Variants in FGFR2 observed in about 807,000 individuals in gnomAD.
The protein encoded by FGFR2 is fibroblast growth factor receptor 2, also known as BEK fibroblast growth factor receptor.
Under a neutral mutation model 95.9 loss-of-function variants are expected in FGFR2, and 19 were observed. The observed-to-expected ratio is 0.20, with a 90% CI of 0.14 to 0.29. FGFR2 has a LOEUF of 0.29. Among genes scored for constraint, FGFR2 ranks in the 10% least tolerant of loss-of-function variants. FGFR2 has a pLI of 1.00. For synonymous variants in FGFR2, 392 were observed against 393.3 expected (o/e 1.00, Z 0.04); for missense variants, 707 against 1,056.9 (o/e 0.67, Z 4.59).
chr10:121,518,349 T>G lies in FGFR2; in HGVS notation c.940-886A>C, dbSNP rs190748587. The stretch of plus-strand genomic sequence containing the variant: ...TCAAATGCCCCGTATTAAACAGGCA[T>G]GGAAGCGTGTGTTTTAAATGGTGTT... On this transcript the variant is annotated intron_variant, in intron 7 of 17. Transcript: ENST00000358487. This position sits in a 1 kb window ranked among gnomAD's most constrained non-coding sequence, Gnocchi z 4.0. Among the ~76,000 whole-genome samples, 288 of 152,256 alleles carry G rather than the reference T, an allele frequency of 1.9e-3. 2 individuals carry two copies. Among genetic ancestry groups the G allele is most frequent in the African/African-American group, 6.5e-3 (268 of 41,538 alleles).
chr10:121,482,919 C>T (rs1844944290), intron 17 of FGFR2, among the ~76,000 whole-genome samples: 1 of 152,128 alleles, frequency 6.6e-6, no homozygotes, highest in Non-Finnish European at 1.5e-5. Flanking sequence ...TACCTCGCCT[C>T]CTAAGTAGCT....
chr10:121,486,724 A>AT (rs1554906893), intron 15 of FGFR2, among the ~76,000 whole-genome samples: 1 of 152,222 alleles, frequency 6.6e-6, no homozygotes, highest in Non-Finnish European at 1.5e-5. Context: ...GATTACAGGT[A>AT]TGAGTCACTG....
chr10:121,571,885 G>A (rs1187370925), intron 2 of FGFR2, among the ~76,000 whole-genome samples: 4 of 151,728 alleles, frequency 2.6e-5, no homozygotes, highest in African/African-American at 9.7e-5. Context: ...GGAGGTTGTG[G>A]TGAGCTGAGC....
At chr10:121,496,292 T>C (rs769235509) in intron 13 of FGFR2, among the ~76,000 whole-genome samples, 7 of 152,230 alleles carry the variant, frequency 4.6e-5, no homozygotes, top group African/African-American at 9.6e-5. Flanking sequence ...CACATGGTCC[T>C]GTCTCAAAGA....
chr10:121,540,340 C>G lies in FGFR2; in HGVS notation c.625-1625G>C, dbSNP rs1487374302. 3.3e-5 allele frequency among the ~76,000 whole-genome samples: 5 copies of G among 152,306 alleles called. No individual in the cohort carries two copies. The East Asian group carries it at 9.7e-4, about 29-fold the overall frequency. ...TTACTGTATGACAAAGACTCGCTTT[C>G]TGCTCTTGGTTGAGCCGTAGACTTG... On this transcript the variant is annotated intron_variant, in intron 5 of 17. Transcript: ENST00000358487.
chr10:121,517,467 G>C lies in FGFR2; in HGVS notation c.940-4C>G, dbSNP rs527592748. 59 of 1,614,008 alleles carry C rather than the reference G, an allele frequency of 3.7e-5. No individual in the cohort carries two copies. The highest frequency in any genetic ancestry group is 4.8e-5 in the Non-Finnish European group (57 of 1,180,040). ...CCGTGGTGTTAACACCGGCGGCCTA[G>C]AAAACAAGGGAAGCAAAAGAAAAGG... On this transcript the variant is annotated splice_polypyrimidine_tract_variant and splice_region_variant and intron_variant, in intron 7 of 17. Coordinates refer to ENST00000358487, the MANE Select transcript of FGFR2 (RefSeq NM_000141.5). This position sits in a 1 kb window ranked among gnomAD's most constrained non-coding sequence, Gnocchi z 4.7.
intron 12 of FGFR2, 98 bp downstream of exon 12, chr10:121,498,397 G>A (rs1042255038): frequency 2.5e-6 from 2 of 807,936 alleles, no homozygotes; most frequent in Non-Finnish European, 4.4e-6. Context: ...ATGCACACAG[G>A]GTGCTCTGGG....
chr10:121,588,276 G>A (rs1349862113), intron 2 of FGFR2, among the ~76,000 whole-genome samples: 8 of 151,984 alleles, frequency 5.3e-5, no homozygotes, highest in African/African-American at 1.9e-4. Flanking sequence ...GAGAGGAGCA[G>A]AAAAAATAGC....
rs56335660 is a variant in FGFR2, at chr10:121,496,607, C to T, written c.1788G>A (p.Glu596=). The change falls in exon 13 of 18, where the codon GAG becomes GAA. Residue 596 remains glutamate, a synonymous_variant. Transcript: ENST00000358487. ...YSYDINRVPE[E]QMTFKDLVSC... is the part of the protein sequence containing the mutation. ...ACACCAAGTCCTTGAAGGTCATCTG[C>T]TCCTCAGGAACACGGTTAATGTCAT... 753 of 1,613,622 alleles carry T rather than the reference C, an allele frequency of 4.7e-4. 1 individual carries two copies. Among genetic ancestry groups the T allele is most frequent in the South Asian group, 2.0e-3 (183 of 91,056 alleles).
intron 2 of FGFR2, among the ~76,000 whole-genome samples, chr10:121,572,249 C>A (rs1753423781): frequency 6.6e-6 from 1 of 151,978 alleles, no homozygotes; most frequent in South Asian, 2.1e-4. Context: ...GCTTGAGCCC[C>A]AGAGGCTGCA....
rs538356641 is a variant in FGFR2, at chr10:121,550,819, TA to T, written c.624+470del. Among the ~76,000 whole-genome samples, 41 of 152,256 alleles carry T rather than the reference TA, an allele frequency of 2.7e-4. 1 individual carries two copies. The highest frequency in any genetic ancestry group is 3.4e-3 in the Middle Eastern group (1 of 294). Reference sequence around the variant, plus strand: ...AAAATTACACGCAAGTCCGGGGTAATATTTTTTTTTAATATCAAACCCTGAC... The same window carrying T: ...AAAATTACACGCAAGTCCGGGGTAATTTTTTTTTTAATATCAAACCCTGAC... On this transcript the variant is annotated intron_variant, in intron 5 of 17. Coordinates refer to ENST00000358487, the MANE Select transcript of FGFR2 (RefSeq NM_000141.5).
chr10:121,482,406 C>T (rs2133743804), intron 17 of FGFR2, among the ~76,000 whole-genome samples: 1 of 152,296 alleles, frequency 6.6e-6, no homozygotes, highest in Non-Finnish European at 1.5e-5. Flanking sequence ...TGAGCTAAGA[C>T]TTCATATCAC....
intron 6 of FGFR2, among the ~76,000 whole-genome samples, chr10:121,532,471 C>T (rs1055386669): frequency 6.6e-6 from 1 of 152,182 alleles, no homozygotes; most frequent in Non-Finnish European, 1.5e-5. Flanking sequence ...ATCTTGACAG[C>T]TTCAGTAATG....
At chr10:121,550,255 G>A (rs569896995) in intron 5 of FGFR2, among the ~76,000 whole-genome samples, 1 of 152,180 alleles carries the variant, frequency 6.6e-6, no homozygotes, top group African/African-American at 2.4e-5. Flanking sequence ...CCAAACCTGT[G>A]TCCCTCCCAT....
chr10:121,576,491 G>A (rs1018400963), intron 2 of FGFR2, among the ~76,000 whole-genome samples: 3 of 152,222 alleles, frequency 2.0e-5, no homozygotes, highest in African/African-American at 7.2e-5. Context: ...TTCATCAAAA[G>A]GCATGTGGGG....
At chr10:121,578,996 T>C (rs1385680257) in intron 2 of FGFR2, among the ~76,000 whole-genome samples, 2 of 152,208 alleles carry the variant, frequency 1.3e-5, no homozygotes, top group Non-Finnish European at 2.9e-5. Context: ...TGAGGCCTGA[T>C]GCTGCTGGTC....
Position 121,598,315 on chromosome 10 carries a change from G to T in FGFR2, c.-504C>A. The T allele has an allele frequency of 2.9e-6, 1 of 342,996 alleles. No homozygotes were observed. Among genetic ancestry groups the T allele is most frequent in the Non-Finnish European group, 5.3e-6 (1 of 190,288 alleles). The allele number at this position is 342,996 out of a possible 1,614,324, so 21.2% of individuals were successfully genotyped here. ...CGCGGCCGGCCCCCGCCAGCCCGGA[G>T]AGCAGTCGCCGCGCCGGGCCAGGTA... is the stretch of plus-strand genomic sequence containing the variant. On this transcript the variant is annotated 5_prime_UTR_variant, in exon 1 of 18. Coordinates refer to ENST00000358487, the MANE Select transcript of FGFR2 (RefSeq NM_000141.5).
intron 4 of FGFR2, among the ~76,000 whole-genome samples, chr10:121,558,078 A>G (rs947171813): frequency 2.0e-5 from 3 of 152,208 alleles, no homozygotes; most frequent in Non-Finnish European, 2.9e-5. Context: ...TTCGTCCATC[A>G]TGATCTTCTC....
At position 121,593,892 on chromosome 10, in the gene FGFR2, G is replaced by A. The variant is rs41287990; in HGVS notation, c.-75C>T. The A allele has an allele frequency of 9.5e-6, 13 of 1,373,620 alleles. No homozygotes were observed. The highest frequency in any genetic ancestry group is 5.1e-5 in the Admixed American group (3 of 59,208). The allele number at this position is 1,373,620 out of a possible 1,614,324, so 85.1% of individuals were successfully genotyped here. On this transcript the variant is annotated 5_prime_UTR_variant, in exon 2 of 18. Transcript: ENST00000358487. ...AATCCCATCTGCACACTTCCTCTAC[G>A]GGCATGGACTACGCGCAATGCCTTC...
Sources: allele counts gnomAD v4.1 joint callset (sites outside exome capture counted in the v4.1 genomes callset), GRCh38; gene constraint gnomAD v4.1.1; non-coding constraint Gnocchi (gnomAD v3.1); transcripts MANE v1.5; gene names NCBI Gene and HGNC (gene_info 2026-07-23, HGNC 2026-07-21).